The following SLC16A12 variants were observed in gnomAD, a reference collection of about 807,000 sequenced individuals.
The protein encoded by SLC16A12 is monocarboxylate transporter 12.
A neutral mutation model predicts 42.4 loss-of-function variants in SLC16A12; 17 were observed. The ratio of observed to expected loss-of-function variants is 0.40; its 90% CI spans 0.27 to 0.60. The LOEUF (loss-of-function observed/expected upper bound fraction) is 0.60, where lower values mean the gene tolerates loss of function less well. Ranked by LOEUF, SLC16A12 falls within the 20% of genes least tolerant of loss-of-function variation. The pLI, the probability that SLC16A12 is intolerant of heterozygous loss-of-function variation, is 0.42. For missense variants in SLC16A12, 544 were observed against 623.0 expected (o/e 0.87, Z 1.35); for synonymous variants, 224 against 229.4 (o/e 0.98, Z 0.21).
chr10:89,432,822 C>T lies in SLC16A12; in HGVS notation c.*242G>A, dbSNP rs1841713673. On this transcript the variant is annotated 3_prime_UTR_variant, in exon 8 of 8. Transcript: ENST00000371790. ...CTTACATTTCTTACAGAGCTATGCC[C>T]ATTGACCAAAAGATACGAGTTCAGT... 1 of 491,844 alleles carries T rather than the reference C, an allele frequency of 2.0e-6. No individual in the cohort carries two copies. Among genetic ancestry groups the T allele is most frequent in the Non-Finnish European group, 3.6e-6 (1 of 276,938 alleles). The allele number at this position is 491,844 out of a possible 1,614,324, so 30.5% of individuals were successfully genotyped here.
upstream of SLC16A12, among the ~76,000 whole-genome samples, chr10:89,538,749 A>G (rs368826400): frequency 1.3e-5 from 2 of 152,348 alleles, no homozygotes; most frequent in African/African-American, 2.4e-5. Context: ...ATTAATCCTT[A>G]TTAGTATTAA....
Position 89,436,233 on chromosome 10 carries a change from C to T in SLC16A12, c.1115G>A (p.Ser372Asn). 6.2e-7 allele frequency: 1 copy of T among 1,614,102 alleles called. No homozygotes were observed. Among genetic ancestry groups the T allele is most frequent in the Non-Finnish European group, 8.5e-7 (1 of 1,179,994 alleles). ...AGAGAAAGGCACGAGCAGAGGGAGA[C>T]TTTGAAGCATTGGGAGGCAGAGATA... ...LCYLCLPMLQ[S>N]LPLLVPFSCT... The change falls in exon 7 of 8, where the codon AGT (serine) becomes AAT (asparagine). Residue 372 changes from serine to asparagine, a missense_variant. Ser to Asn is a conservative substitution (Grantham distance 46). Transcript: ENST00000371790.
At chr10:89,443,900 G>A (rs769780956) in intron 3 of SLC16A12, 41 bp from the exon 4 acceptor site, 7 of 1,299,396 alleles carry the variant, frequency 5.4e-6, no homozygotes, top group East Asian at 2.3e-5. Flanking sequence ...AAAAATGAAT[G>A]AGCATGCATT....
At chr10:89,477,886 C>T (rs73371352) in intron 2 of SLC16A12, among the ~76,000 whole-genome samples, 1,793 of 149,554 alleles carry the variant, frequency 0.012, 41 homozygotes, top group African/African-American at 0.041. Flanking sequence ...ACCCCCACCC[C>T]GATGAAGTCC....
intron 2 of SLC16A12, among the ~76,000 whole-genome samples, chr10:89,555,543 G>GTA (rs1287272640): frequency 4.9e-5 from 6 of 121,574 alleles, no homozygotes; most frequent in Admixed American, 1.6e-4. Flanking sequence ...ACGTATGTAT[G>GTA]TATATACGTA....
At chr10:89,462,018 C>A (rs574163399) in intron 3 of SLC16A12, among the ~76,000 whole-genome samples, 2 of 152,178 alleles carry the variant, frequency 1.3e-5, no homozygotes, top group African/African-American at 4.8e-5. Context: ...GGAATAGTCA[C>A]AGCATTGGCC....
At chr10:89,489,329 C>T (rs1842812190) in intron 2 of SLC16A12, among the ~76,000 whole-genome samples, 1 of 151,898 alleles carries the variant, frequency 6.6e-6, no homozygotes, top group Non-Finnish European at 1.5e-5. Flanking sequence ...ACTTATTTTA[C>T]TTTATTTTAT....
chr10:89,487,493 A>C (rs894849690), intron 2 of SLC16A12, among the ~76,000 whole-genome samples: 1 of 152,052 alleles, frequency 6.6e-6, no homozygotes, highest in Non-Finnish European at 1.5e-5. Flanking sequence ...ACTACTGGGT[A>C]TTTACCCAAA....
At chr10:89,491,258 G>A (rs773518205) in intron 2 of SLC16A12, among the ~76,000 whole-genome samples, 1 of 152,086 alleles carries the variant, frequency 6.6e-6, no homozygotes, top group Non-Finnish European at 1.5e-5. Context: ...AACAGTAAAG[G>A]TCCATAACCA....
At chr10:89,466,387 G>C (rs1194102969) in intron 2 of SLC16A12, among the ~76,000 whole-genome samples, 1 of 152,160 alleles carries the variant, frequency 6.6e-6, no homozygotes, top group Non-Finnish European at 1.5e-5. Context: ...TCACATCCTA[G>C]TGGGACAGGC....
chr10:89,554,377 A>G (rs1843795351), intron 2 of SLC16A12, among the ~76,000 whole-genome samples: 1 of 152,224 alleles, frequency 6.6e-6, no homozygotes, highest in African/African-American at 2.4e-5. Context: ...CAGGAGATTT[A>G]AAGGAACCAG....
At chr10:89,437,297 T>C (rs1042780114) in intron 6 of SLC16A12, among the ~76,000 whole-genome samples, 1 of 152,250 alleles carries the variant, frequency 6.6e-6, no homozygotes, top group Non-Finnish European at 1.5e-5. Flanking sequence ...AACCCATTTA[T>C]GATACCAATA....
rs947133755 is a variant in SLC16A12 at position 89,462,450 on chromosome 10, T to C, written c.129A>G (p.Pro43=). 4 of 1,614,068 alleles carry C rather than the reference T, an allele frequency of 2.5e-6. No individual in the cohort carries two copies. The highest frequency in any genetic ancestry group is 2.2e-5 in the South Asian group (2 of 91,078). The change falls in exon 3 of 8, where the codon CCA becomes CCG. Residue 43 remains proline, a synonymous_variant. Coordinates refer to ENST00000371790, the MANE Select transcript of SLC16A12 (RefSeq NM_213606.4). ...KVNRARSTSP[P]DGGWGWMIVA... ...CAATCATCCAGCCCCAGCCTCCATCTGGAGGGGAGGTAGACCGAGCTCTAT... is the reference window on the plus strand; with the variant it reads ...CAATCATCCAGCCCCAGCCTCCATCCGGAGGGGAGGTAGACCGAGCTCTAT...
intron 7 of SLC16A12, among the ~76,000 whole-genome samples, chr10:89,435,748 C>A (rs1841771158): frequency 6.6e-6 from 1 of 152,094 alleles, no homozygotes; most frequent in Non-Finnish European, 1.5e-5. Flanking sequence ...TCTGAATGCA[C>A]CCTACTTATT....
chr10:89,478,396 G>A (rs1239761631), intron 2 of SLC16A12, among the ~76,000 whole-genome samples: 1 of 152,190 alleles, frequency 6.6e-6, no homozygotes, highest in Non-Finnish European at 1.5e-5. Context: ...GTGGAAGTGG[G>A]ATGGACAGTG....
chr10:89,484,253 T>C (rs1385336840), intron 2 of SLC16A12, among the ~76,000 whole-genome samples: 1 of 152,244 alleles, frequency 6.6e-6, no homozygotes, highest in African/African-American at 2.4e-5. Context: ...ATTGACAGTG[T>C]AATTATTTGG....
intron 2 of SLC16A12, among the ~76,000 whole-genome samples, chr10:89,488,603 C>T (rs1313998734): frequency 6.6e-6 from 1 of 152,162 alleles, no homozygotes; most frequent in African/African-American, 2.4e-5. Context: ...CACTCCAATG[C>T]CTATGCCTAG....
chr10:89,462,419 C>T lies in SLC16A12; in HGVS notation c.160G>A (p.Gly54Ser). ...GTGCAGATGGTAACAAGGAAACAGCCAGCCACAATCATCCAGCCCCAGCCT... is the reference window on the plus strand; with the variant it reads ...GTGCAGATGGTAACAAGGAAACAGCTAGCCACAATCATCCAGCCCCAGCCT... Reference protein sequence around the residue: ...DGGWGWMIVAGCFLVTICTRA... With the variant: ...DGGWGWMIVASCFLVTICTRA... The change falls in exon 3 of 8, where the codon GGC becomes AGC. Residue 54 changes from glycine to serine, a missense_variant. Physicochemically the swap from Gly to Ser is moderately conservative, Grantham distance 56. Coordinates refer to ENST00000371790, the MANE Select transcript of SLC16A12 (RefSeq NM_213606.4). 1.2e-6 allele frequency: 2 copies of T among 1,614,060 alleles called. No homozygotes were observed. The highest frequency in any genetic ancestry group is 3.3e-5 in the Admixed American group (2 of 60,018).
chr10:89,433,707 A>G (rs543702447), intron 7 of SLC16A12, among the ~76,000 whole-genome samples: 8 of 152,244 alleles, frequency 5.3e-5, no homozygotes, highest in Non-Finnish European at 1.0e-4. Context: ...ACAAAATGCC[A>G]GTAGTATTCA....
Sources: gnomAD v4.1 joint callset for allele counts (sites outside exome capture counted in the v4.1 genomes callset) on GRCh38, gnomAD v4.1.1 for gene constraint, MANE v1.5 for transcripts, NCBI Gene and HGNC (gene_info 2026-07-23, HGNC 2026-07-21) for gene names.